The following RAB11FIP3 variants were observed in gnomAD, a reference collection of about 807,000 sequenced individuals.
RAB11FIP3 encodes RAB11 family interacting protein 3.
RAB11FIP3 carries 17 observed loss-of-function variants against 77.8 expected under a neutral mutation model. The observed-to-expected ratio is 0.22, with a 90% CI of 0.15 to 0.33. RAB11FIP3 has a LOEUF of 0.33. Ranked by LOEUF, RAB11FIP3 falls within the 10% of genes least tolerant of loss-of-function variation. RAB11FIP3 has a pLI of 1.00. For synonymous variants in RAB11FIP3, 437 were observed against 448.2 expected, an observed-to-expected ratio of 0.98 and a Z score of 0.31; for missense variants, 1,005 against 1,011.2, an observed-to-expected ratio of 0.99 and a Z score of 0.08.
intron 1 of RAB11FIP3, among the ~76,000 whole-genome samples, chr16:456,231 C>CT (rs1411585809): frequency 6.6e-6 from 1 of 152,000 alleles, no homozygotes; most frequent in Non-Finnish European, 1.5e-5. Context: ...GGGCGGATCA[C>CT]TTGAAGTCAG....
intron 1 of RAB11FIP3, among the ~76,000 whole-genome samples, chr16:445,582 T>A (rs2055302291): frequency 6.6e-6 from 1 of 152,116 alleles, no homozygotes; most frequent in South Asian, 2.1e-4. Context: ...GTGACTCTGG[T>A]CTGGTATGGG....
chr16:426,868 T>C lies in RAB11FIP3; in HGVS notation c.714+148T>C. On this transcript the variant is annotated intron_variant, in intron 1 of 13. Coordinates refer to ENST00000262305, the MANE Select transcript of RAB11FIP3 (RefSeq NM_014700.4). The surrounding 1 kb of genome is among the most constrained non-coding windows in gnomAD (Gnocchi z 5.0). ...CCTGCTTTTTCTGCTTATTCACCAC[T>C]TCGGCCCTGGATTTCTGGTTGAATT... 1 of 543,106 alleles carries C rather than the reference T, an allele frequency of 1.8e-6. No homozygotes were observed. Among genetic ancestry groups the C allele is most frequent in the South Asian group, 4.8e-5 (1 of 20,850 alleles). 33.6% of individuals were successfully genotyped at this position (543,106 alleles called of 1,614,324 possible).
At chr16:488,054 G>A (rs2056193176) in intron 4 of RAB11FIP3, among the ~76,000 whole-genome samples, 2 of 152,192 alleles carry the variant, frequency 1.3e-5, no homozygotes, top group Non-Finnish European at 2.9e-5. Flanking sequence ...GTTTTGAAAT[G>A]ACTGCGTGTT....
At position 522,258 on chromosome 16, in the gene RAB11FIP3, AT is replaced by A. The variant is rs1236166029; in HGVS notation, c.*1420del. 2 of 146,932 alleles carry A rather than the reference AT, an allele frequency of 1.4e-5. No individual in the cohort carries two copies. The highest frequency in any genetic ancestry group is 5.0e-5 in the African/African-American group (2 of 40,374). 9.1% of individuals were successfully genotyped at this position (146,932 alleles called of 1,614,324 possible). A position where few individuals can be genotyped will look rare whatever the true frequency, so the allele number is the denominator to read the frequency against. ...GTATACACATGAAATATATATATAT[AT>A]ATATATATATATATGTATAATATAT... is the stretch of plus-strand genomic sequence containing the variant. On this transcript the variant is annotated 3_prime_UTR_variant, in exon 14 of 14. Transcript: ENST00000262305.
In RAB11FIP3 at chr16:514,620, T is replaced by C. The variant is rs761424420; in HGVS notation, c.1640+3820T>C. On this transcript the variant is annotated intron_variant, in intron 9 of 13. Transcript: ENST00000262305. This position sits in a 1 kb window ranked among gnomAD's most constrained non-coding sequence, Gnocchi z 4.6. Reference sequence around the variant, plus strand: ...AGGAGAATATGTGTCATCAGCAGAATGGGGCTGTACGAAGGTCACAGGCAG... The same window carrying C: ...AGGAGAATATGTGTCATCAGCAGAACGGGGCTGTACGAAGGTCACAGGCAG... Among the ~76,000 whole-genome samples the C allele has an allele frequency of 5.3e-5, 8 of 152,102 alleles. No individual in the cohort carries two copies. The highest frequency in any genetic ancestry group is 1.2e-4 in the Non-Finnish European group (8 of 68,018).
chr16:458,913 A>G (rs2055555683), intron 1 of RAB11FIP3, among the ~76,000 whole-genome samples: 1 of 152,104 alleles, frequency 6.6e-6, no homozygotes, highest in Non-Finnish European at 1.5e-5. Flanking sequence ...GAGAGTAGTG[A>G]AATGGTGCAC....
chr16:432,570 A>G (rs1364573038), intron 1 of RAB11FIP3, among the ~76,000 whole-genome samples: 2 of 149,844 alleles, frequency 1.3e-5, no homozygotes, highest in Non-Finnish European at 3.0e-5. Flanking sequence ...GTTGCTTTGA[A>G]TCTGCTTTTT....
chr16:497,309 G>A (rs757749066), intron 6 of RAB11FIP3: 1 of 1,304,182 alleles, frequency 7.7e-7, no homozygotes, highest in Non-Finnish European at 1.0e-6. Flanking sequence ...TAGATCTGTT[G>A]GCTTCCTGCT....
intron 11 of RAB11FIP3, 35 bp downstream of exon 11, chr16:519,926 G>A (rs564116555): frequency 3.0e-5 from 46 of 1,543,460 alleles, no homozygotes; most frequent in East Asian, 7.3e-5. Flanking sequence ...CCAGTCCTGC[G>A]CCCAGCCTGC....
intron 8 of RAB11FIP3, 61 bp from the exon 9 acceptor site, chr16:510,599 T>TGGGTGGA (rs2032095563): frequency 2.7e-6 from 4 of 1,507,400 alleles, no homozygotes; most frequent in Non-Finnish European, 8.8e-7. Context: ...CTTCTGGGCA[T>TGGGTGGA]GGGTGGAGCC....
intron 2 of RAB11FIP3, among the ~76,000 whole-genome samples, chr16:468,351 A>G (rs1012808638): frequency 7.1e-6 from 1 of 139,876 alleles, no homozygotes; most frequent in Non-Finnish European, 1.6e-5. Flanking sequence ...CATTGGACAC[A>G]TGGCCTCTGG....
In RAB11FIP3 at chr16:506,143, C is replaced by T. The variant is rs142320319; in HGVS notation, c.1499+516C>T. Among the ~76,000 whole-genome samples, 24 of 152,272 alleles carry T rather than the reference C, an allele frequency of 1.6e-4. No individual in the cohort carries two copies. The highest frequency in any genetic ancestry group is 7.7e-4 in the East Asian group (4 of 5,178). On this transcript the variant is annotated intron_variant, in intron 8 of 13. Transcript: ENST00000262305. The surrounding 1 kb of genome is among the most constrained non-coding windows in gnomAD (Gnocchi z 4.5). ...GTGCTGGGGAGGAAGCGAAGTGTGA[C>T]GCCGTGTTTGCAGAGAAAGAGTGGG... is the stretch of plus-strand genomic sequence containing the variant.
chr16:505,733 C>T lies in RAB11FIP3; in HGVS notation c.1499+106C>T, dbSNP rs564194177. On this transcript the variant is annotated intron_variant, in intron 8 of 13. Transcript: ENST00000262305. This position sits in a 1 kb window ranked among gnomAD's most constrained non-coding sequence, Gnocchi z 4.0. ...CTCACACAGCAGGGGCTTGGCCACC[C>T]GTCCATCCCCGTTGGAAGCCGGCTG... 1.6e-5 allele frequency: 15 copies of T among 964,490 alleles called. No individual in the cohort carries two copies. The highest frequency in any genetic ancestry group is 6.6e-5 in the African/African-American group (4 of 60,958). The allele number at this position is 964,490 out of a possible 1,614,324, so 59.7% of individuals were successfully genotyped here.
At position 474,002 on chromosome 16, in the gene RAB11FIP3, C is replaced by T. The variant is rs533784112; in HGVS notation, c.903+2613C>T. ...AGTGAATACGCAGTTACCTCTCCTC[C>T]ATGTCTTGCTTTGCTTTTTAAGGGT... is the stretch of plus-strand genomic sequence containing the variant. On this transcript the variant is annotated intron_variant, in intron 3 of 13. Coordinates refer to ENST00000262305, the MANE Select transcript of RAB11FIP3 (RefSeq NM_014700.4). Among the ~76,000 whole-genome samples the T allele has an allele frequency of 2.0e-5, 3 of 152,282 alleles. No homozygotes were observed. The South Asian group carries it at 6.2e-4, about 32-fold the overall frequency.
chr16:440,033 G>C (rs2055198188), intron 1 of RAB11FIP3, among the ~76,000 whole-genome samples: 1 of 151,986 alleles, frequency 6.6e-6, no homozygotes, highest in Non-Finnish European at 1.5e-5. Flanking sequence ...GTAGACACGG[G>C]GTTTCACTGT....
intron 1 of RAB11FIP3, among the ~76,000 whole-genome samples, chr16:450,742 G>A (rs763834246): frequency 5.9e-5 from 9 of 152,172 alleles, no homozygotes; most frequent in Admixed American, 1.3e-4. Context: ...AGTTCTATGA[G>A]CTGAGGAGTC....
chr16:520,189 GGGGCCGCAGCAGCAGCAT>G lies in RAB11FIP3; in HGVS notation c.1934_1951del (p.Arg645_Gly650del). Reference sequence around the variant, plus strand: ...CTCAAGCTGGAGGCCGAGCAGCGGCGGGGCCGCAGCAGCAGCATGGGCCTGCAGGAGTACCACAGCCGC... The same window carrying G: ...CTCAAGCTGGAGGCCGAGCAGCGGCGGGGCCTGCAGGAGTACCACAGCCGC... On this transcript the variant is annotated inframe_deletion, in exon 12 of 14. Coordinates refer to ENST00000262305, the MANE Select transcript of RAB11FIP3 (RefSeq NM_014700.4). 6.5e-7 allele frequency: 1 copy of G among 1,545,618 alleles called. No homozygotes were observed. The highest frequency in any genetic ancestry group is 8.7e-7 in the Non-Finnish European group (1 of 1,147,698).
chr16:513,640 A>G (rs936816119), intron 9 of RAB11FIP3, among the ~76,000 whole-genome samples: 26 of 152,228 alleles, frequency 1.7e-4, no homozygotes, highest in Non-Finnish European at 1.0e-4. Flanking sequence ...GAAATACAGT[A>G]GTTTTAAATA....
rs2032753293 is a variant in RAB11FIP3 at position 522,767 on chromosome 16, C to CACAG, written c.*1929_*1932dup. On this transcript the variant is annotated 3_prime_UTR_variant, in exon 14 of 14. Transcript: ENST00000262305. ...AGGTGGGGCGGGGCAAATTGGGCAG[C>CACAG]ACAGGGCTGTGTGGGCATCAGGGCT... 6.6e-6 allele frequency: 1 copy of CACAG among 152,370 alleles called. No homozygotes were observed. Among genetic ancestry groups the CACAG allele is most frequent in the Non-Finnish European group, 1.5e-5 (1 of 68,164 alleles). 9.4% of individuals were successfully genotyped at this position (152,370 alleles called of 1,614,324 possible). A position where few individuals can be genotyped will look rare whatever the true frequency, so the allele number is the denominator to read the frequency against.
Sources: allele counts gnomAD v4.1 joint callset (sites outside exome capture counted in the v4.1 genomes callset), GRCh38; gene constraint gnomAD v4.1.1; non-coding constraint Gnocchi (gnomAD v3.1); transcripts MANE v1.5; gene names NCBI Gene and HGNC (gene_info 2026-07-23, HGNC 2026-07-21).